SPMIP7: variants seen among roughly 807,000 people sequenced by gnomAD.
SPMIP7 encodes the protein protein SPMIP7.
the SPMIP7 span, chr7:50,096,159 A>C: frequency 6.4e-7 from 1 of 1,550,612 alleles, no homozygotes; most frequent in Non-Finnish European, 8.7e-7. Context: ...GGAACTGTTG[A>C]GAATATAGAT....
At chr7:50,152,777 C>G in the SPMIP7 span, among the ~76,000 whole-genome samples, 1 of 151,948 alleles carries the variant, frequency 6.6e-6, no homozygotes, top group Non-Finnish European at 1.5e-5. Context: ...ACCTCTTTCT[C>G]CTGGGTTCAA....
chr7:50,152,159 C>T, the SPMIP7 span, among the ~76,000 whole-genome samples: 1 of 152,094 alleles, frequency 6.6e-6, no homozygotes, highest in South Asian at 2.1e-4. Context: ...ACTAGCCTGA[C>T]TAACATTGTG....
the SPMIP7 span, among the ~76,000 whole-genome samples, chr7:50,143,027 AT>A: frequency 5.3e-5 from 8 of 151,946 alleles, no homozygotes; most frequent in Non-Finnish European, 1.2e-4. Context: ...CTCTTCTTGA[AT>A]TTTTTTCATC....
the SPMIP7 span, among the ~76,000 whole-genome samples, chr7:50,124,099 C>T: frequency 6.6e-6 from 1 of 152,024 alleles, no homozygotes; most frequent in South Asian, 2.1e-4. Context: ...ATTTTGAGAT[C>T]AGATTAAATA....
chr7:50,153,571 T>C, the SPMIP7 span, among the ~76,000 whole-genome samples: 1 of 152,238 alleles, frequency 6.6e-6, no homozygotes, highest in African/African-American at 2.4e-5. Flanking sequence ...TAATCACTTC[T>C]GTTGGCTGAG....
the SPMIP7 span, among the ~76,000 whole-genome samples, chr7:50,107,163 C>A: frequency 6.6e-6 from 1 of 151,774 alleles, no homozygotes; most frequent in Non-Finnish European, 1.5e-5. Context: ...TGAAACCAGT[C>A]TGGCCAACAT....
the SPMIP7 span, among the ~76,000 whole-genome samples, chr7:50,131,007 G>A: frequency 3.9e-5 from 6 of 152,232 alleles, no homozygotes; most frequent in East Asian, 1.2e-3. Flanking sequence ...CATTCTGAGT[G>A]ACATGAGGCT....
At chr7:50,113,506 C>A in the SPMIP7 span, among the ~76,000 whole-genome samples, 1 of 152,082 alleles carries the variant, frequency 6.6e-6, no homozygotes, top group Non-Finnish European at 1.5e-5. Flanking sequence ...TATGAAGATA[C>A]AAACGGACTT....
At chr7:50,140,708 G>A in the SPMIP7 span, among the ~76,000 whole-genome samples, 1 of 152,206 alleles carries the variant, frequency 6.6e-6, no homozygotes, top group East Asian at 1.9e-4. Flanking sequence ...ATATGGAGGA[G>A]GGATCTGGAC....
chr7:50,131,972 G>T, the SPMIP7 span, among the ~76,000 whole-genome samples: 14 of 152,192 alleles, frequency 9.2e-5, no homozygotes, highest in African/African-American at 3.4e-4. Flanking sequence ...CTTCAGACAG[G>T]CTTCACATTT....
the SPMIP7 span, chr7:50,104,462 A>ATT: frequency 1.1e-5 from 6 of 539,908 alleles, no homozygotes; most frequent in Admixed American, 6.9e-5. Flanking sequence ...ATTTCATTGT[A>ATT]TTATATATAT....
At chr7:50,099,081 C>T in the SPMIP7 span, among the ~76,000 whole-genome samples, 13 of 152,120 alleles carry the variant, frequency 8.5e-5, no homozygotes, top group African/African-American at 2.7e-4. Context: ...CTCACTTAAG[C>T]GAAATCACAT....
the SPMIP7 span, among the ~76,000 whole-genome samples, chr7:50,125,237 TACACATATATAC>T: frequency 0.39 from 33,706 of 86,126 alleles, 7,450 homozygotes; most frequent in East Asian, 0.61. Flanking sequence ...CACATATATA[TACACATATATAC>T]ACATATATAT....
At chr7:50,146,739 A>C in the SPMIP7 span, among the ~76,000 whole-genome samples, 1 of 151,518 alleles carries the variant, frequency 6.6e-6, no homozygotes. Flanking sequence ...CTCTGGGCTG[A>C]CCCTCCTTAA....
chr7:50,112,836 T>C, the SPMIP7 span, among the ~76,000 whole-genome samples: 2 of 152,004 alleles, frequency 1.3e-5, no homozygotes, highest in African/African-American at 4.8e-5. Flanking sequence ...CCAAGGAATG[T>C]AGAATTTGCA....
the SPMIP7 span, among the ~76,000 whole-genome samples, chr7:50,125,407 T>TAC: frequency 3.4e-5 from 5 of 147,428 alleles, no homozygotes; most frequent in East Asian, 1.9e-4. Flanking sequence ...TACATATATA[T>TAC]ATAAAGAAAC....
the SPMIP7 span, among the ~76,000 whole-genome samples, chr7:50,126,152 G>GA: frequency 6.6e-6 from 1 of 151,904 alleles, no homozygotes; most frequent in African/African-American, 2.4e-5. Context: ...GTTTAGCTTT[G>GA]AAAGAATTAA....
the SPMIP7 span, chr7:50,134,099 AC>A: frequency 6.5e-7 from 1 of 1,527,954 alleles, no homozygotes; most frequent in East Asian, 2.5e-5. Context: ...CTATTTAATA[AC>A]TTCATAGAGC....
chr7:50,126,117 A>G, the SPMIP7 span, among the ~76,000 whole-genome samples: 10 of 152,092 alleles, frequency 6.6e-5, no homozygotes, highest in Non-Finnish European at 1.2e-4. Flanking sequence ...TTCTTTTTCA[A>G]TTAAATGTTT....
Sources: allele counts gnomAD v4.1 joint callset (sites outside exome capture counted in the v4.1 genomes callset), GRCh38; gene constraint gnomAD v4.1.1; transcripts MANE v1.5; gene names NCBI Gene and HGNC (gene_info 2026-07-23, HGNC 2026-07-21).